ACMSD: variants seen among roughly 807,000 people sequenced by gnomAD.
ACMSD encodes aminocarboxymuconate semialdehyde decarboxylase.
In ACMSD, 37 loss-of-function variants were observed where a neutral mutation model predicts 45.9. The observed-to-expected ratio is 0.81, with a 90% CI of 0.62 to 1.06. The LOEUF (loss-of-function observed/expected upper bound fraction) is 1.06. Among genes scored for constraint, ACMSD ranks in the 50% least tolerant of loss-of-function variants. The pLI, the probability that ACMSD is intolerant of heterozygous loss-of-function variation, is 0.00. For synonymous variants in ACMSD, 138 were observed against 148.8 expected (o/e 0.93, Z 0.53); for missense variants, 434 against 420.9 (o/e 1.03, Z -0.27).
rs1435749148 is a variant in ACMSD, at chr2:134,885,284, AT to A, written c.849+12645del. ...ATATATATAAATATATATATTATATATTATATTTATATATATATTTAAATAT... is the reference window on the plus strand; with the variant it reads ...ATATATATAAATATATATATTATATATATATTTATATATATATTTAAATAT... On this transcript the variant is annotated intron_variant, in intron 8 of 9. Transcript: ENST00000356140. Among the ~76,000 whole-genome samples the A allele has an allele frequency of 6.1e-4, 30 of 48,810 alleles. No individual in the cohort carries two copies. The East Asian group carries it at 7.4e-3, about 12-fold the overall frequency. 32.0% of individuals were successfully genotyped at this position (48,810 alleles called of 152,430 possible). A position where few individuals can be genotyped will look rare whatever the true frequency, so the allele number is the denominator to read the frequency against.
At chr2:134,843,630 T>C (rs1274525370) in intron 1 of ACMSD, among the ~76,000 whole-genome samples, 2 of 152,124 alleles carry the variant, frequency 1.3e-5, no homozygotes, top group African/African-American at 4.8e-5. Context: ...TACCCTGGCC[T>C]CATCCAGCCA....
chr2:134,863,622 T>C lies in ACMSD; in HGVS notation c.477T>C (p.Pro159=). Residue 159 remains proline (P), a synonymous_variant, in exon 5 of 10, where the codon CCT becomes CCC. Coordinates refer to ENST00000356140, the MANE Select transcript of ACMSD (RefSeq NM_138326.3). The stretch of plus-strand genomic sequence containing the variant: ...ACCTGAACGCGCAGGAGCTCTTTCC[T>C]GTCTATGCGGTGAGTAGCGGGGCTG... ...EWDLNAQELF[P]VYAAAERLKC... 6.2e-7 allele frequency: 1 copy of C among 1,614,074 alleles called. No individual in the cohort carries two copies. Among genetic ancestry groups the C allele is most frequent in the Non-Finnish European group, 8.5e-7 (1 of 1,180,006 alleles).
intron 2 of ACMSD, among the ~76,000 whole-genome samples, chr2:134,851,512 C>T (rs1476260390): frequency 1.3e-5 from 2 of 151,726 alleles, no homozygotes; most frequent in East Asian, 1.9e-4. Flanking sequence ...GGTGTGATCT[C>T]GACTCACTGC....
At position 134,862,012 on chromosome 2, in the gene ACMSD, C is replaced by T; in HGVS notation, c.243C>T (p.Ser81=). The T allele has an allele frequency of 6.2e-7, 1 of 1,614,122 alleles. No homozygotes were observed. Among genetic ancestry groups the T allele is most frequent in the Non-Finnish European group, 8.5e-7 (1 of 1,180,008 alleles). ...TTTCCACAGTTCCTGTCATGTTTAG[C>T]TACTGGGTGAGTGTGAAACCTCAAG... ...QALSTVPVMF[S]YWAKPEDTLN... is the part of the protein sequence containing the mutation. The change falls in exon 4 of 10, where the codon AGC becomes AGT. Residue 81 remains serine, a synonymous_variant. Coordinates refer to ENST00000356140, the MANE Select transcript of ACMSD (RefSeq NM_138326.3).
chr2:134,862,062 G>A (rs757703384), intron 4 of ACMSD, 44 bp downstream of exon 4: 37 of 1,611,228 alleles, frequency 2.3e-5, no homozygotes, highest in Admixed American at 6.7e-5. Flanking sequence ...TTGAAGGTTC[G>A]TGTTGAGCTC....
At chr2:134,897,050 A>G in intron 8 of ACMSD, among the ~76,000 whole-genome samples, 1 of 152,136 alleles carries the variant, frequency 6.6e-6, no homozygotes, top group East Asian at 1.9e-4. Flanking sequence ...TAAACATTCT[A>G]TAATTAGTGG....
chr2:134,889,350 C>T (rs1167378335), intron 8 of ACMSD, among the ~76,000 whole-genome samples: 2 of 152,108 alleles, frequency 1.3e-5, no homozygotes, highest in Non-Finnish European at 2.9e-5. Flanking sequence ...TTTCTAGTTA[C>T]CATTTTCCAT....
intron 6 of ACMSD, among the ~76,000 whole-genome samples, chr2:134,869,538 G>A (rs1002805137): frequency 1.1e-4 from 16 of 152,074 alleles, no homozygotes; most frequent in Non-Finnish European, 1.9e-4. Flanking sequence ...ATTGCAACAG[G>A]AGAGCATCTG....
chr2:134,863,352 T>C (rs376120229), intron 4 of ACMSD, 43 bp from the exon 5 acceptor site: 6 of 1,566,260 alleles, frequency 3.8e-6, no homozygotes, highest in Non-Finnish European at 5.3e-6. Context: ...CTAAAAGAAG[T>C]AGGTTTTCAA....
At chr2:134,868,451 C>CTTTTTTTTTTTTTTTTTTTTTT (rs1170969126) in intron 6 of ACMSD, among the ~76,000 whole-genome samples, 1 of 124,210 alleles carries the variant, frequency 8.1e-6, no homozygotes, top group Non-Finnish European at 1.6e-5. Flanking sequence ...ATATTTTTTT[C>CTTTTTTTTTTTTTTTTTTTTTT]TTTTTTTTTT....
At chr2:134,849,330 T>A (rs530449247) in intron 2 of ACMSD, among the ~76,000 whole-genome samples, 1 of 152,106 alleles carries the variant, frequency 6.6e-6, no homozygotes, top group Admixed American at 6.5e-5. Flanking sequence ...AGTAACACAC[T>A]CCCTCTCTCT....
chr2:134,893,254 G>A (rs1202870043), intron 8 of ACMSD, among the ~76,000 whole-genome samples: 1 of 147,474 alleles, frequency 6.8e-6, no homozygotes, highest in Non-Finnish European at 1.5e-5. Context: ...CTTTCACTCA[G>A]GCTGGATAAT....
chr2:134,896,245 A>G, intron 8 of ACMSD, among the ~76,000 whole-genome samples: 1 of 152,240 alleles, frequency 6.6e-6, no homozygotes, highest in East Asian at 1.9e-4. Flanking sequence ...GGGTTAGGCA[A>G]TAGTTTCTTT....
At chr2:134,890,393 G>A (rs1689707150) in intron 8 of ACMSD, among the ~76,000 whole-genome samples, 1 of 151,962 alleles carries the variant, frequency 6.6e-6, no homozygotes, top group African/African-American at 2.4e-5. Context: ...CCCAGATGAA[G>A]AGTGACAAAA....
intron 6 of ACMSD, among the ~76,000 whole-genome samples, chr2:134,869,961 C>T (rs916196850): frequency 6.6e-6 from 1 of 152,170 alleles, no homozygotes; most frequent in Non-Finnish European, 1.5e-5. Context: ...GGAAGCTCTA[C>T]CCACAAACTG....
At chr2:134,844,198 A>G (rs185279160) in intron 1 of ACMSD, among the ~76,000 whole-genome samples, 13 of 152,386 alleles carry the variant, frequency 8.5e-5, no homozygotes, top group African/African-American at 3.1e-4. Flanking sequence ...GTTTTTATGC[A>G]TGATCCCCAG....
chr2:134,888,188 A>C lies in ACMSD; in HGVS notation c.850-10153A>C, dbSNP rs529864112. On this transcript the variant is annotated intron_variant, in intron 8 of 9. Transcript: ENST00000356140. The stretch of plus-strand genomic sequence containing the variant: ...TAAAACTCATGATGAAAAGTCCAAC[A>C]ATCCTATTTAAAAGTGGGCAAAAGG... 2.3e-3 allele frequency among the ~76,000 whole-genome samples: 345 copies of C among 152,306 alleles called. 2 individuals are homozygous for C. Among genetic ancestry groups the C allele is most frequent in the African/African-American group, 7.9e-3 (330 of 41,574 alleles).
chr2:134,901,582 C>G (rs1163566431), intron 9 of ACMSD, among the ~76,000 whole-genome samples: 1 of 152,120 alleles, frequency 6.6e-6, no homozygotes, highest in Non-Finnish European at 1.5e-5. Flanking sequence ...CTTTATAAGT[C>G]TCTTCTCTCC....
At chr2:134,894,133 G>T (rs1261790266) in intron 8 of ACMSD, among the ~76,000 whole-genome samples, 1 of 151,874 alleles carries the variant, frequency 6.6e-6, no homozygotes, top group Non-Finnish European at 1.5e-5. Context: ...AGATATAAAA[G>T]AAATAGATTA....
Sources: gnomAD v4.1 joint callset for allele counts (sites outside exome capture counted in the v4.1 genomes callset) on GRCh38, gnomAD v4.1.1 for gene constraint, MANE v1.5 for transcripts, NCBI Gene and HGNC (gene_info 2026-07-23, HGNC 2026-07-21) for gene names.